Variants in SYNRG observed in about 807,000 individuals in gnomAD.
SYNRG encodes the protein AP1 gamma subunit binding protein 1.
A neutral mutation model predicts 130.9 loss-of-function variants in SYNRG; 37 were observed. The ratio of observed to expected loss-of-function variants is 0.28; its 90% confidence interval spans 0.22 to 0.37. The LOEUF (loss-of-function observed/expected upper bound fraction) is 0.37. SYNRG is among the 10% of genes least tolerant of loss of function. The pLI is 1.00. For missense variants in SYNRG, 1,338 were observed against 1,588.9 expected (o/e 0.84, Z 2.68); for synonymous variants, 539 against 568.1 (o/e 0.95, Z 0.73).
intron 11 of SYNRG, among the ~76,000 whole-genome samples, chr17:37,565,449 C>T (rs1439744836): frequency 6.6e-6 from 1 of 152,122 alleles, no homozygotes; most frequent in Middle Eastern, 3.2e-3. Flanking sequence ...AGATTGCAGC[C>T]TCTGCCCGGC....
At chr17:37,562,427 C>T (rs577730163) in intron 11 of SYNRG, among the ~76,000 whole-genome samples, 1 of 151,676 alleles carries the variant, frequency 6.6e-6, no homozygotes, top group African/African-American at 2.4e-5. Flanking sequence ...TTATCAGACC[C>T]AGGCAGCTCC....
At chr17:37,564,840 G>C (rs1037163091) in intron 11 of SYNRG, among the ~76,000 whole-genome samples, 4 of 152,232 alleles carry the variant, frequency 2.6e-5, no homozygotes, top group African/African-American at 9.6e-5. Flanking sequence ...AGTGTCTTTA[G>C]AGCAGGAACT....
At chr17:37,585,841 C>G (rs1375028701) in intron 4 of SYNRG, among the ~76,000 whole-genome samples, 1 of 152,116 alleles carries the variant, frequency 6.6e-6, no homozygotes, top group Non-Finnish European at 1.5e-5. Context: ...GCCTTTGGGT[C>G]CAGGCTTTGC....
intron 8 of SYNRG, among the ~76,000 whole-genome samples, chr17:37,573,397 T>A (rs1256419590): frequency 6.6e-6 from 1 of 152,054 alleles, no homozygotes; most frequent in Non-Finnish European, 1.5e-5. Context: ...ACTGGTTCCG[T>A]CTCAAAAACA....
At chr17:37,551,434 CT>C (rs745569347) in intron 14 of SYNRG, among the ~76,000 whole-genome samples, 96 of 152,206 alleles carry the variant, frequency 6.3e-4, no homozygotes, top group Non-Finnish European at 1.3e-3. Context: ...GAAGAGTTAG[CT>C]TGAACATTAC....
At chr17:37,530,021 G>A in intron 19 of SYNRG, among the ~76,000 whole-genome samples, 1 of 152,140 alleles carries the variant, frequency 6.6e-6, no homozygotes. Flanking sequence ...ATGTACAAGA[G>A]CAATGTGCAG....
rs368530006 is a variant in SYNRG at position 37,555,287 on chromosome 17, C to T, written c.1664-1228G>A. Reference sequence around the variant, plus strand: ...GATTACAGGCACCTGCCACCACGCCCGGCTAATTTTTGTATTTTTAGTAGA... The same window carrying T: ...GATTACAGGCACCTGCCACCACGCCTGGCTAATTTTTGTATTTTTAGTAGA... On this transcript the variant is annotated intron_variant, in intron 13 of 21. Coordinates refer to ENST00000612223, the MANE Select transcript of SYNRG (RefSeq NM_007247.6). Among the ~76,000 whole-genome samples the T allele has an allele frequency of 2.4e-4, 36 of 152,152 alleles. No homozygotes were observed. In the East Asian group the frequency reaches 4.9e-3, roughly 21 times the overall value.
At chr17:37,541,792 T>A (rs1427402456) in intron 15 of SYNRG, 180 bp downstream of exon 15, 1 of 655,126 alleles carries the variant, frequency 1.5e-6, no homozygotes, top group Non-Finnish European at 2.6e-6. Flanking sequence ...TGAGGGATGC[T>A]GATTTTGACT....
At chr17:37,519,394 T>C (rs1287797376) in intron 21 of SYNRG, among the ~76,000 whole-genome samples, 2 of 152,146 alleles carry the variant, frequency 1.3e-5, no homozygotes, top group African/African-American at 2.4e-5. Flanking sequence ...TGTGGATAGC[T>C]TTCATCCCTC....
rs774632185 is a variant in SYNRG at position 37,536,098 on chromosome 17, G to T, written c.3547C>A (p.Arg1183Ser). 1 of 1,613,778 alleles carries T rather than the reference G, an allele frequency of 6.2e-7. No homozygotes were observed. The highest frequency in any genetic ancestry group is 8.5e-7 in the Non-Finnish European group (1 of 1,179,910). Reference protein sequence around the residue: ...GVVEVYRVTKRVELGIKATAV... With the variant: ...GVVEVYRVTKSVELGIKATAV... ...GTGGCTTTTATCCCCAGCTCCACACGCTTGGTTACCCTGTACACTTCAACA... is the reference window on the plus strand; with the variant it reads ...GTGGCTTTTATCCCCAGCTCCACACTCTTGGTTACCCTGTACACTTCAACA... The change falls in exon 19 of 22, where the codon CGT becomes AGT. Residue 1183 changes from arginine (R) to serine (S), a missense_variant. Physicochemically the swap from Arg to Ser is moderately radical, Grantham distance 110. Around this residue, in one of 3 missense-constraint regions of SYNRG, gnomAD observed 1,146 missense variants for 1,342.3 expected, o/e 0.85. Coordinates refer to ENST00000612223, the MANE Select transcript of SYNRG (RefSeq NM_007247.6).
chr17:37,524,498 G>A (rs1421740199), intron 19 of SYNRG, among the ~76,000 whole-genome samples: 1 of 152,248 alleles, frequency 6.6e-6, no homozygotes, highest in African/African-American at 2.4e-5. Flanking sequence ...AAGGTGAGGT[G>A]TATGTTTCAA....
chr17:37,560,695 T>G (rs2059461092), intron 13 of SYNRG, among the ~76,000 whole-genome samples: 1 of 144,882 alleles, frequency 6.9e-6, no homozygotes, highest in African/African-American at 2.6e-5. Context: ...TGAGATGGAG[T>G]CTTGCTCTGT....
At chr17:37,531,862 A>C (rs1243668517) in intron 19 of SYNRG, among the ~76,000 whole-genome samples, 1 of 152,162 alleles carries the variant, frequency 6.6e-6, no homozygotes, top group African/African-American at 2.4e-5. Flanking sequence ...CAAGCCCTGT[A>C]GTAACACTTC....
chr17:37,591,713 T>C (rs879186932), intron 3 of SYNRG, among the ~76,000 whole-genome samples: 2 of 152,208 alleles, frequency 1.3e-5, no homozygotes, highest in Admixed American at 1.3e-4. Context: ...AGAATAGCTT[T>C]TTCCACAAAT....
At chr17:37,601,131 G>C (rs1005000667) in intron 1 of SYNRG, 2 of 152,386 alleles carry the variant, frequency 1.3e-5, no homozygotes, top group African/African-American at 4.8e-5. Flanking sequence ...GCAATGGCGC[G>C]ATCTTGGCTC....
At chr17:37,585,536 G>A in intron 4 of SYNRG, 106 bp from the exon 5 acceptor site, 1 of 738,310 alleles carries the variant, frequency 1.4e-6, no homozygotes, top group Admixed American at 2.7e-5. Context: ...ACTTCCAGAA[G>A]TGTAAATTTC....
At chr17:37,584,834 A>C in intron 5 of SYNRG, 75 bp from the exon 6 acceptor site, 1 of 1,111,844 alleles carries the variant, frequency 9.0e-7, no homozygotes, top group South Asian at 1.5e-5. Context: ...AATTAAGAAA[A>C]GCACAGATAT....
At chr17:37,587,705 C>T (rs768524494) in intron 3 of SYNRG, among the ~76,000 whole-genome samples, 2 of 152,248 alleles carry the variant, frequency 1.3e-5, no homozygotes, top group Non-Finnish European at 2.9e-5. Flanking sequence ...CTCTTGGTAA[C>T]GTCAACAATC....
rs772497829 is a variant in SYNRG at position 37,584,757 on chromosome 17, T to C, written c.480A>G (p.Thr160=). The C allele has an allele frequency of 1.2e-6, 2 of 1,607,620 alleles. No individual in the cohort carries two copies. The highest frequency in any genetic ancestry group is 1.3e-5 in the African/African-American group (1 of 74,972). ...LRLLSSVKPK[T]GEKSRDDALE... ...AAGCATCATCTCTACTCTTCTCTCC[T>C]GTCTAAGAGACAACAAATATATGCG... The change falls in exon 6 of 22, where the codon ACA becomes ACG. Residue 160 remains threonine (T), a splice_region_variant and synonymous_variant. Transcript: ENST00000612223.
Sources: gnomAD v4.1 joint callset for allele counts (sites outside exome capture counted in the v4.1 genomes callset) on GRCh38, gnomAD v4.1.1 for gene constraint, gnomAD v4.1.1 regional missense constraint, MANE v1.5 for transcripts, NCBI Gene and HGNC (gene_info 2026-07-23, HGNC 2026-07-21) for gene names.